Variants in SOD2 observed in about 807,000 individuals in gnomAD.
SOD2 encodes the protein superoxide dismutase 2.
SOD2 carries 11 observed loss-of-function variants against 27.0 expected under a neutral mutation model. That is an observed-to-expected ratio of 0.41 (90% CI 0.26 to 0.67). The LOEUF is 0.67. Ranked by LOEUF, SOD2 falls within the 30% of genes least tolerant of loss-of-function variation. The pLI is 0.34. For synonymous variants in SOD2, 105 were observed against 103.0 expected, an observed-to-expected ratio of 1.02 and a Z score of -0.12; for missense variants, 250 against 274.5, an observed-to-expected ratio of 0.91 and a Z score of 0.63.
In SOD2 at chr6:159,758,971, C is replaced by T. The variant is rs117046044; in HGVS notation, c.-336+2066G>A. Among the ~76,000 whole-genome samples, 557 of 152,228 alleles carry T rather than the reference C, an allele frequency of 3.7e-3. 3 individuals carry two copies. Among genetic ancestry groups the T allele is most frequent in the Non-Finnish European group, 6.4e-3 (436 of 68,002 alleles). On this transcript the variant is annotated intron_variant, in intron 1 of 7. Coordinates refer to the SOD2 transcript ENST00000546087. Reference sequence around the variant, plus strand: ...AATGATGGCTCCTCATGAGTAAGCACTTGGAGATTTTTGTGGCTTCCTGCC... The same window carrying T: ...AATGATGGCTCCTCATGAGTAAGCATTTGGAGATTTTTGTGGCTTCCTGCC...
At chr6:159,726,112 G>A (rs967858412) in intron 1 of SOD2, 1 of 152,222 alleles carries the variant, frequency 6.6e-6, no homozygotes, top group South Asian at 2.1e-4. Context: ...ATAACTGCAA[G>A]GTATAAGAAT....
intron 1 of SOD2, among the ~76,000 whole-genome samples, chr6:159,704,244 G>A (rs1777578456): frequency 6.6e-6 from 1 of 152,192 alleles, no homozygotes; most frequent in Non-Finnish European, 1.5e-5. Flanking sequence ...TGAGGTACTG[G>A]GTTCATCTCA....
At chr6:159,739,555 A>G (rs1433164891) in intron 1 of SOD2, among the ~76,000 whole-genome samples, 4 of 152,238 alleles carry the variant, frequency 2.6e-5, no homozygotes, top group Non-Finnish European at 5.9e-5. Context: ...AGTACAACGT[A>G]TAATCTTTTT....
chr6:159,749,333 G>T (rs562735446), upstream of SOD2: 4 of 985,512 alleles, frequency 4.1e-6, no homozygotes, highest in Non-Finnish European at 4.8e-6. Flanking sequence ...GAGCTTTGTC[G>T]TTGGTGTTAA....
At chr6:159,703,269 GCGC>G (rs1777559664) in intron 1 of SOD2, among the ~76,000 whole-genome samples, 1 of 152,208 alleles carries the variant, frequency 6.6e-6, no homozygotes, top group African/African-American at 2.4e-5. Flanking sequence ...GGCCAAGATT[GCGC>G]CATTGCACTC....
chr6:159,692,451 G>T, intron 2 of SOD2: 1 of 1,412,968 alleles, frequency 7.1e-7, no homozygotes, highest in Middle Eastern at 1.9e-4. Context: ...TCCCTGAGAT[G>T]ACAGAAGTGT....
chr6:159,683,781 T>C (rs916385731), intron 4 of SOD2, among the ~76,000 whole-genome samples: 1 of 152,138 alleles, frequency 6.6e-6, no homozygotes, highest in Admixed American at 6.5e-5. Context: ...GCTTACAAAT[T>C]TTTTGTGGCT....
intron 3 of SOD2, 23 bp from the exon 4 acceptor site, chr6:159,685,056 C>A (rs2758332): frequency 0.49 from 763,410 of 1,554,900 alleles, 191,890 homozygotes; most frequent in Admixed American, 0.57. Flanking sequence ...AAATCCAAAA[C>A]CACCCACAAA....
rs1264458515 is a variant in SOD2, at chr6:159,669,778, T to C, written c.*12715A>G. 1 of 152,258 alleles carries C rather than the reference T, an allele frequency of 6.6e-6. No individual in the cohort carries two copies. Among genetic ancestry groups the C allele is most frequent in the Non-Finnish European group, 1.5e-5 (1 of 68,044 alleles). 9.4% of individuals were successfully genotyped at this position (152,258 alleles called of 1,614,324 possible). On this transcript the variant is annotated 3_prime_UTR_variant, in exon 5 of 5. Transcript: ENST00000538183. ...CTCATGTAAGTATAGTTATTTCTGCTCTTTTTTGGCTTCCATTTGTATGCA... is the reference window on the plus strand; with the variant it reads ...CTCATGTAAGTATAGTTATTTCTGCCCTTTTTTGGCTTCCATTTGTATGCA...
intron 1 of SOD2, among the ~76,000 whole-genome samples, chr6:159,740,746 C>T (rs1016483770): frequency 8.0e-5 from 12 of 150,564 alleles, no homozygotes; most frequent in Non-Finnish European, 2.9e-5. Flanking sequence ...GCTCTGTCAC[C>T]AGGCTGGAAT....
intron 1 of SOD2, chr6:159,726,797 G>A (rs1274798529): frequency 2.3e-6 from 3 of 1,289,104 alleles, no homozygotes; most frequent in Admixed American, 4.6e-5. Context: ...CCAGGAGACT[G>A]CGCCTCACGA....
intron 1 of SOD2, 139 bp from the exon 2 acceptor site, chr6:159,693,002 G>A: frequency 4.4e-6 from 6 of 1,353,574 alleles, no homozygotes; most frequent in Non-Finnish European, 5.8e-6. Context: ...CAGCCGCCGC[G>A]CCGGGCACTC....
chr6:159,752,777 A>G (rs1480966004), intron 1 of SOD2, among the ~76,000 whole-genome samples: 1 of 152,150 alleles, frequency 6.6e-6, no homozygotes, highest in Non-Finnish European at 1.5e-5. Flanking sequence ...TTTTTGAGAC[A>G]GGGTCCCTGT....
chr6:159,738,353 T>C (rs1409822605), intron 1 of SOD2, among the ~76,000 whole-genome samples: 2 of 152,020 alleles, frequency 1.3e-5, no homozygotes, highest in Non-Finnish European at 2.9e-5. Context: ...TTTGAGACTA[T>C]TTTTTTTCCT....
In SOD2 at chr6:159,680,690, C is replaced by A. The variant is rs1490613316; in HGVS notation, c.*1803G>T. On this transcript the variant is annotated 3_prime_UTR_variant, in exon 5 of 5. Coordinates refer to ENST00000538183, the MANE Select transcript of SOD2 (RefSeq NM_000636.4). Reference sequence around the variant, plus strand: ...GTGGCTCACACCTGTAATCCCAGCACTTTGGGAGGCTGAGCCAGACGGATC... The same window carrying A: ...GTGGCTCACACCTGTAATCCCAGCAATTTGGGAGGCTGAGCCAGACGGATC... 6.6e-6 allele frequency: 1 copy of A among 152,106 alleles called. No individual in the cohort carries two copies. The highest frequency in any genetic ancestry group is 1.5e-5 in the Non-Finnish European group (1 of 68,038). The allele number at this position is 152,106 out of a possible 1,614,324, so 9.4% of individuals were successfully genotyped here.
chr6:159,729,881 C>T (rs1419955634), upstream of SOD2, among the ~76,000 whole-genome samples: 2 of 152,154 alleles, frequency 1.3e-5, no homozygotes, highest in African/African-American at 4.8e-5. Flanking sequence ...AGTTACCTAA[C>T]TTTATGATGC....
chr6:159,758,277 C>T (rs1192128825), intron 1 of SOD2, among the ~76,000 whole-genome samples: 1 of 151,072 alleles, frequency 6.6e-6, no homozygotes, highest in East Asian at 1.9e-4. Context: ...AAACCACAGA[C>T]TGGGTGGCTT....
intron 4 of SOD2, 120 bp from the exon 5 acceptor site, chr6:159,682,758 CACTT>C: frequency 1.1e-6 from 1 of 921,208 alleles, no homozygotes; most frequent in Non-Finnish European, 1.5e-6. Context: ...CAATCTCATT[CACTT>C]GTTTTTTTAT....
intron 1 of SOD2, chr6:159,755,083 C>A: frequency 6.2e-7 from 1 of 1,614,140 alleles, no homozygotes; most frequent in South Asian, 1.1e-5. Context: ...TGCAGAGTAC[C>A]ATTCTAGTTC....
Sources: allele counts gnomAD v4.1 joint callset (sites outside exome capture counted in the v4.1 genomes callset), GRCh38; gene constraint gnomAD v4.1.1; transcripts MANE v1.5; gene names NCBI Gene and HGNC (gene_info 2026-07-23, HGNC 2026-07-21).